The following MIB1 variants were observed in gnomAD, a reference collection of about 807,000 sequenced individuals.
MIB1 encodes the protein MIB E3 ubiquitin protein ligase 1.
A neutral mutation model predicts 124.5 loss-of-function variants in MIB1; 278 were observed. That is an observed-to-expected ratio of 2.23 (90% CI 2.02 to 2.47). The LOEUF (loss-of-function observed/expected upper bound fraction) is 2.47. MIB1 is among the 30% of genes most tolerant of loss of function. The probability of loss-of-function intolerance (pLI) is 0.00; values close to 1 mark genes in which losing one functional copy is unlikely to be tolerated. For synonymous variants in MIB1, 446 were observed against 429.4 expected (o/e 1.04, Z -0.48); for missense variants, 957 against 1,254.4 (o/e 0.76, Z 3.58).
chr18:21,709,790 GA>G (rs536273844), intron 1 of MIB1, among the ~76,000 whole-genome samples: 10 of 152,190 alleles, frequency 6.6e-5, no homozygotes, highest in Non-Finnish European at 1.5e-4. Context: ...ACAGCCTAGG[GA>G]AGATCAGAAA....
At chr18:21,808,216 AT>A (rs1029581890) in intron 10 of MIB1, among the ~76,000 whole-genome samples, 1 of 152,190 alleles carries the variant, frequency 6.6e-6, no homozygotes, top group African/African-American at 2.4e-5. Context: ...TAGTTATCTC[AT>A]TTGGTAACCT....
At chr18:21,718,508 C>CA (rs1362684695) in intron 1 of MIB1, among the ~76,000 whole-genome samples, 6 of 152,152 alleles carry the variant, frequency 3.9e-5, no homozygotes, top group African/African-American at 1.4e-4. Context: ...ATGTTCAGCC[C>CA]AGTGAAATCT....
chr18:21,820,677 A>G (rs1258368499), intron 12 of MIB1, among the ~76,000 whole-genome samples: 1 of 152,228 alleles, frequency 6.6e-6, no homozygotes, highest in Non-Finnish European at 1.5e-5. Flanking sequence ...ACAGAAGATT[A>G]TGATAGCACT....
intron 11 of MIB1, chr18:21,817,800 TG>T: frequency 6.6e-6 from 2 of 302,688 alleles, no homozygotes; most frequent in Non-Finnish European, 1.3e-5. Flanking sequence ...GGACAGTGAC[TG>T]GGGAGACAAA....
chr18:21,850,350 C>G (rs1716372165), intron 17 of MIB1, among the ~76,000 whole-genome samples: 1 of 152,084 alleles, frequency 6.6e-6, no homozygotes, highest in Non-Finnish European at 1.5e-5. Flanking sequence ...AGTTTATACT[C>G]TTTTTCCATT....
Position 21,741,824 on chromosome 18 carries a change from C to A in MIB1, c.229+12C>A, listed in dbSNP as rs939603234. ...CAGCGCGCCCACCGGTAAGCCGCGGCCACCTGGCCAGGGCTTGCGCGCGCG... is the reference window on the plus strand; with the variant it reads ...CAGCGCGCCCACCGGTAAGCCGCGGACACCTGGCCAGGGCTTGCGCGCGCG... On this transcript the variant is annotated intron_variant, in intron 1 of 20. Transcript: ENST00000261537. This position sits in a 1 kb window ranked among gnomAD's most constrained non-coding sequence, Gnocchi z 5.4. The A allele has an allele frequency of 1.3e-6, 2 of 1,579,248 alleles. No individual in the cohort carries two copies. Among genetic ancestry groups the A allele is most frequent in the South Asian group, 2.3e-5 (2 of 86,946 alleles).
Position 21,847,109 on chromosome 18 carries a change from C to A in MIB1, c.2377C>A (p.His793Asn). 1 of 1,613,718 alleles carries A rather than the reference C, an allele frequency of 6.2e-7. No individual in the cohort carries two copies. The highest frequency in any genetic ancestry group is 1.1e-5 in the South Asian group (1 of 91,014). The change falls in exon 16 of 21, where the codon CAT (histidine) becomes AAT (asparagine). Residue 793 changes from histidine to asparagine, a missense_variant. His to Asn is a moderately conservative substitution (Grantham distance 68). Coordinates refer to ENST00000261537, the MANE Select transcript of MIB1 (RefSeq NM_020774.4). ...TCTCTGCAAAGCACTGGCAAAGTGT[C>A]ATAAGGAAAAAGTCAGGTTTGTATT... ...PNLCKALAKC[H>N]KEKVSGQVGS...
intron 1 of MIB1, among the ~76,000 whole-genome samples, chr18:21,718,151 C>T (rs2040697957): frequency 6.6e-6 from 1 of 152,060 alleles, no homozygotes; most frequent in South Asian, 2.1e-4. Context: ...GAAAACCAAA[C>T]ATTGTATATT....
intron 1 of MIB1, among the ~76,000 whole-genome samples, chr18:21,710,692 G>A (rs1439978960): frequency 6.6e-6 from 1 of 151,962 alleles, no homozygotes; most frequent in African/African-American, 2.4e-5. Flanking sequence ...CAAGACTGCA[G>A]TGAGGGATAT....
chr18:21,708,643 G>A (rs2040651398), intron 1 of MIB1, among the ~76,000 whole-genome samples: 1 of 151,950 alleles, frequency 6.6e-6, no homozygotes, highest in Non-Finnish European at 1.5e-5. Flanking sequence ...GGCGACAGAG[G>A]GAAACTGCCT....
intron 11 of MIB1, among the ~76,000 whole-genome samples, chr18:21,817,258 C>T (rs1311574094): frequency 1.4e-5 from 2 of 144,732 alleles, no homozygotes; most frequent in Non-Finnish European, 3.0e-5. Flanking sequence ...ACCTTCAGGG[C>T]CCACCTCAGC....
chr18:21,777,913 T>G (rs907217497), intron 4 of MIB1, among the ~76,000 whole-genome samples, 190 bp from the exon 5 acceptor site: 6 of 152,206 alleles, frequency 3.9e-5, no homozygotes, highest in African/African-American at 1.4e-4. Context: ...AAATAAAATA[T>G]GACCTATCTG....
intron 1 of MIB1, among the ~76,000 whole-genome samples, chr18:21,764,212 C>T (rs2041130447): frequency 6.6e-6 from 1 of 152,074 alleles, no homozygotes; most frequent in South Asian, 2.1e-4. Flanking sequence ...TATCCCAGTT[C>T]TTTCAGGTGT....
At chr18:21,776,172 G>T (rs1350281605) in intron 4 of MIB1, among the ~76,000 whole-genome samples, 2 of 151,870 alleles carry the variant, frequency 1.3e-5, no homozygotes, top group Admixed American at 1.3e-4. Context: ...AGAGGCTGAG[G>T]TGGAAGTAGA....
At chr18:21,740,757 C>A (rs953513568), upstream of MIB1, among the ~76,000 whole-genome samples, 3 of 152,252 alleles carry the variant, frequency 2.0e-5, no homozygotes, top group African/African-American at 7.2e-5. Context: ...GGCAACCGTC[C>A]GCCCTTTTTC....
chr18:21,727,196 A>G (rs2040746155), intron 1 of MIB1, among the ~76,000 whole-genome samples: 1 of 151,572 alleles, frequency 6.6e-6, no homozygotes, highest in Admixed American at 6.6e-5. Flanking sequence ...TGCAACTTCT[A>G]CCTCCCAAGT....
At chr18:21,747,505 C>T (rs2040924546) in intron 1 of MIB1, among the ~76,000 whole-genome samples, 2 of 152,206 alleles carry the variant, frequency 1.3e-5, no homozygotes, top group African/African-American at 4.8e-5. Flanking sequence ...TATTTGTCTA[C>T]TTGAGATGCC....
chr18:21,785,245 A>G (rs2041421487), intron 6 of MIB1, among the ~76,000 whole-genome samples: 1 of 151,724 alleles, frequency 6.6e-6, no homozygotes, highest in South Asian at 2.1e-4. Context: ...TATACAATAA[A>G]TAACAGCGTG....
intron 1 of MIB1, among the ~76,000 whole-genome samples, chr18:21,742,140 CCTAT>C (rs1440959225): frequency 6.6e-6 from 1 of 152,150 alleles, no homozygotes; most frequent in East Asian, 1.9e-4. Context: ...TCTGGAGAGG[CCTAT>C]CTAATAAGCC....
Sources: allele counts gnomAD v4.1 joint callset (sites outside exome capture counted in the v4.1 genomes callset), GRCh38; gene constraint gnomAD v4.1.1; non-coding constraint Gnocchi (gnomAD v3.1); transcripts MANE v1.5; gene names NCBI Gene and HGNC (gene_info 2026-07-23, HGNC 2026-07-21).